The following CPEB3 variants were observed in gnomAD, a reference collection of about 807,000 sequenced individuals.
The protein encoded by CPEB3 is cytoplasmic polyadenylation element binding protein 3.
A neutral mutation model predicts 67.2 loss-of-function variants in CPEB3; 20 were observed. The ratio of observed to expected loss-of-function variants is 0.30; its 90% CI spans 0.21 to 0.43. The LOEUF (loss-of-function observed/expected upper bound fraction) is 0.43, where lower values mean the gene tolerates loss of function less well. Among genes scored for constraint, CPEB3 ranks in the 20% least tolerant of loss-of-function variants. The pLI, the probability that CPEB3 is intolerant of heterozygous loss-of-function variation, is 1.00. For missense variants in CPEB3, 746 were observed against 968.6 expected, an observed-to-expected ratio of 0.77 and a Z score of 3.05; for synonymous variants, 376 against 393.1, an observed-to-expected ratio of 0.96 and a Z score of 0.51.
chr10:92,052,876 G>A (rs1424148609), intron 9 of CPEB3, among the ~76,000 whole-genome samples: 1 of 152,226 alleles, frequency 6.6e-6, no homozygotes, highest in Non-Finnish European at 1.5e-5. Flanking sequence ...ACATTGCAGG[G>A]AGAGGAAGCA....
intron 2 of CPEB3, among the ~76,000 whole-genome samples, chr10:92,203,039 T>C (rs565573159): frequency 6.6e-5 from 10 of 151,672 alleles, no homozygotes; most frequent in African/African-American, 2.4e-4. Flanking sequence ...CCTCCCAGGT[T>C]CAAGCAATTC....
chr10:92,092,577 C>G (rs1030095216), intron 7 of CPEB3, among the ~76,000 whole-genome samples: 1 of 152,056 alleles, frequency 6.6e-6, no homozygotes, highest in East Asian at 1.9e-4. Flanking sequence ...GTCAGGAGTT[C>G]GAGATCAGCC....
At chr10:92,244,579 A>C (rs1425940559) in intron 1 of CPEB3, among the ~76,000 whole-genome samples, 1 of 151,256 alleles carries the variant, frequency 6.6e-6, no homozygotes, top group Non-Finnish European at 1.5e-5. Flanking sequence ...CTGGGACTAC[A>C]GGGGCATGCC....
intron 8 of CPEB3, among the ~76,000 whole-genome samples, chr10:92,090,428 AC>A (rs1036334719): frequency 1.3e-5 from 2 of 152,096 alleles, no homozygotes; most frequent in African/African-American, 4.8e-5. Context: ...TGTAGTCCCA[AC>A]TACTTGGGGG....
chr10:92,094,044 G>A (rs1271623121), intron 7 of CPEB3, among the ~76,000 whole-genome samples: 1 of 151,342 alleles, frequency 6.6e-6, no homozygotes, highest in Non-Finnish European at 1.5e-5. Flanking sequence ...TAGCAGAGAC[G>A]GGGCTTCGCC....
At chr10:92,130,937 A>C (rs1845818929) in intron 6 of CPEB3, among the ~76,000 whole-genome samples, 1 of 152,168 alleles carries the variant, frequency 6.6e-6, no homozygotes, top group African/African-American at 2.4e-5. Context: ...ACCTAAGAAA[A>C]ATTATTATCA....
At chr10:92,203,641 C>A (rs935375538) in intron 2 of CPEB3, among the ~76,000 whole-genome samples, 1 of 151,664 alleles carries the variant, frequency 6.6e-6, no homozygotes, top group Non-Finnish European at 1.5e-5. Flanking sequence ...TGGTCTTGAA[C>A]TCCTGAACTC....
chr10:92,095,915 G>A (rs978498162), intron 7 of CPEB3, among the ~76,000 whole-genome samples: 4 of 151,402 alleles, frequency 2.6e-5, no homozygotes, highest in African/African-American at 7.3e-5. Flanking sequence ...TTGCTCTGTC[G>A]CCCAGGCTGG....
intron 4 of CPEB3, among the ~76,000 whole-genome samples, chr10:92,180,329 A>T (rs1374952721): frequency 6.6e-6 from 1 of 152,212 alleles, no homozygotes; most frequent in Non-Finnish European, 1.5e-5. Context: ...AGCTTGAAAT[A>T]CCTGGCTATC....
At chr10:92,161,396 T>C (rs541401857) in intron 4 of CPEB3, among the ~76,000 whole-genome samples, 1 of 151,812 alleles carries the variant, frequency 6.6e-6, no homozygotes, top group African/African-American at 2.4e-5. Context: ...CTCAGCCCCT[T>C]GACTAGCTGG....
At chr10:92,227,526 C>G (rs182759448) in intron 2 of CPEB3, among the ~76,000 whole-genome samples, 1 of 152,248 alleles carries the variant, frequency 6.6e-6, no homozygotes, top group East Asian at 1.9e-4. Context: ...TGCCAACCTT[C>G]TTAACTGTTT....
intron 9 of CPEB3, among the ~76,000 whole-genome samples, chr10:92,066,294 G>A (rs1354183350): frequency 6.6e-6 from 1 of 152,158 alleles, no homozygotes; most frequent in Non-Finnish European, 1.5e-5. Flanking sequence ...GGTTGTCTGG[G>A]TATGGTGAGG....
intron 1 of CPEB3, among the ~76,000 whole-genome samples, chr10:92,281,960 G>A (rs1456675874): frequency 6.6e-6 from 1 of 152,170 alleles, no homozygotes; most frequent in African/African-American, 2.4e-5. Flanking sequence ...CATGTTCCGT[G>A]GAAAGGGTCT....
chr10:92,111,264 T>A (rs763518472), intron 6 of CPEB3, 70 bp from the exon 7 acceptor site: 2 of 1,016,992 alleles, frequency 2.0e-6, no homozygotes, highest in African/African-American at 3.2e-5. Context: ...CAATTACAAA[T>A]TATCTGTTGT....
At chr10:92,190,622 G>A (rs1376205857) in intron 3 of CPEB3, among the ~76,000 whole-genome samples, 2 of 134,640 alleles carry the variant, frequency 1.5e-5, no homozygotes, top group African/African-American at 5.7e-5. Context: ...CCAAGATCAC[G>A]CCATTGCACT....
chr10:92,125,681 T>C (rs1055107828), intron 6 of CPEB3, among the ~76,000 whole-genome samples: 9 of 152,094 alleles, frequency 5.9e-5, no homozygotes, highest in Non-Finnish European at 1.2e-4. Flanking sequence ...CCATCTTATC[T>C]TCCTAGTGGC....
rs1422426665 is a variant in CPEB3, at chr10:92,239,094, AAAT to A, written c.1005+249_1005+251del. Reference sequence around the variant, plus strand: ...AGAGGTACAAACACCATGAAGGAGAAAATAAACTAAAAGAAAAAGGCTTCTTCT... The same window carrying A: ...AGAGGTACAAACACCATGAAGGAGAAAAACTAAAAGAAAAAGGCTTCTTCT... On this transcript the variant is annotated intron_variant, in intron 2 of 9. Transcript: ENST00000265997. This position sits in a 1 kb window ranked among gnomAD's most constrained non-coding sequence, Gnocchi z 6.0. Among the ~76,000 whole-genome samples the A allele has an allele frequency of 2.6e-5, 4 of 152,210 alleles. No individual in the cohort carries two copies. The highest frequency in any genetic ancestry group is 5.9e-5 in the Non-Finnish European group (4 of 68,040).
intron 1 of CPEB3, among the ~76,000 whole-genome samples, chr10:92,245,566 A>G (rs916421319): frequency 3.3e-5 from 5 of 152,330 alleles, no homozygotes; most frequent in African/African-American, 1.2e-4. Flanking sequence ...ATGTGACCTT[A>G]GCTTATATTT....
At position 92,239,854 on chromosome 10, in the gene CPEB3, G is replaced by C. The variant is rs868047298; in HGVS notation, c.497C>G (p.Pro166Arg). 80 of 1,537,052 alleles carry C rather than the reference G, an allele frequency of 5.2e-5. No individual in the cohort carries two copies. The highest frequency in any genetic ancestry group is 6.8e-5 in the Non-Finnish European group (78 of 1,143,802). ...CTGCGGCGCGGGCGCAGGCGGCGGCGGCTGCTGGTGGTGCTGGGTCTGCGC... is the reference window on the plus strand; with the variant it reads ...CTGCGGCGCGGGCGCAGGCGGCGGCCGCTGCTGGTGGTGCTGGGTCTGCGC... Reference protein sequence around the residue: ...GLAQTQHHQQPPPPAPAPQPA... With the variant: ...GLAQTQHHQQRPPPAPAPQPA... Residue 166 changes from proline to arginine, a missense_variant, in exon 2 of 10, where the codon CCG becomes CGG. By Grantham distance (103) the Pro-to-Arg change is moderately radical. Transcript: ENST00000265997. This position sits in a 1 kb window ranked among gnomAD's most constrained non-coding sequence, Gnocchi z 6.0.
Sources: gnomAD v4.1 joint callset for allele counts (sites outside exome capture counted in the v4.1 genomes callset) on GRCh38, gnomAD v4.1.1 for gene constraint, Gnocchi (gnomAD v3.1) non-coding constraint, MANE v1.5 for transcripts, NCBI Gene and HGNC (gene_info 2026-07-23, HGNC 2026-07-21) for gene names.